TMEM209: variants seen among roughly 807,000 people sequenced by gnomAD.
TMEM209 encodes the protein testicular tissue protein Li 202.
TMEM209 carries 65 observed loss-of-function variants against 76.2 expected under a neutral mutation model. The observed-to-expected ratio is 0.85, with a 90% confidence interval of 0.70 to 1.05. The LOEUF (loss-of-function observed/expected upper bound fraction) is 1.05, where lower values mean the gene tolerates loss of function less well. Among genes scored for constraint, TMEM209 ranks in the 50% least tolerant of loss-of-function variants. The pLI is 0.00. For synonymous variants in TMEM209, 239 were observed against 237.6 expected (o/e 1.01, Z -0.06); for missense variants, 623 against 685.5 (o/e 0.91, Z 1.02).
chr7:130,202,473 CTG>C lies in TMEM209; in HGVS notation c.331+57_331+58del. 3.9e-6 allele frequency: 6 copies of C among 1,546,748 alleles called. 1 individual carries two copies. The South Asian group carries it at 6.4e-5, about 16-fold the overall frequency. ...GAGTCTACGAAATGGGAAAATTAAA[CTG>C]AGAAAGATTTATTGCCAACCTTTTC... On this transcript the variant is annotated intron_variant, in intron 4 of 14. Coordinates refer to ENST00000397622, the MANE Select transcript of TMEM209 (RefSeq NM_032842.4).
chr7:130,189,300 G>A (rs778359143), intron 6 of TMEM209, among the ~76,000 whole-genome samples: 5 of 152,182 alleles, frequency 3.3e-5, no homozygotes, highest in South Asian at 2.1e-4. Context: ...GGATTCAAGC[G>A]ATTCTCCTGC....
At position 130,184,519 on chromosome 7, in the gene TMEM209, GTCTC is replaced by G. The variant is rs1797529750; in HGVS notation, c.952-268_952-265del. 4.4e-5 allele frequency among the ~76,000 whole-genome samples: 6 copies of G among 137,724 alleles called. No homozygotes were observed. The South Asian group carries it at 1.4e-3, about 31-fold the overall frequency. 90.4% of individuals were successfully genotyped at this position (137,724 alleles called of 152,430 possible). A position where few individuals can be genotyped will look rare whatever the true frequency, so the allele number is the denominator to read the frequency against. On this transcript the variant is annotated intron_variant, in intron 7 of 14. Coordinates refer to ENST00000397622, the MANE Select transcript of TMEM209 (RefSeq NM_032842.4). ...CTTTTTTTTTTTTTTTTGAGATGGA[GTCTC>G]TCTCTGTTGTCCAGGCTGGAACACA...
Position 130,181,949 on chromosome 7 carries a change from T to C in TMEM209, c.1024-230A>G, listed in dbSNP as rs1797436588. On this transcript the variant is annotated intron_variant, in intron 8 of 14. Coordinates refer to ENST00000397622, the MANE Select transcript of TMEM209 (RefSeq NM_032842.4). ...TAAATTAACTAACTTACATTCCTTTTTTTTTTTCGAGATGGAGTTTCGCTC... is the reference window on the plus strand; with the variant it reads ...TAAATTAACTAACTTACATTCCTTTCTTTTTTTCGAGATGGAGTTTCGCTC... 3 of 357,900 alleles carry C rather than the reference T, an allele frequency of 8.4e-6. No homozygotes were observed. The East Asian group carries it at 1.7e-4, about 21-fold the overall frequency. 22.2% of individuals were successfully genotyped at this position (357,900 alleles called of 1,614,324 possible). A position where few individuals can be genotyped will look rare whatever the true frequency, so the allele number is the denominator to read the frequency against.
intron 1 of TMEM209, chr7:130,205,155 GC>G: frequency 1.4e-6 from 2 of 1,461,010 alleles, no homozygotes; most frequent in Non-Finnish European, 1.8e-6. Context: ...GCGCCACTCA[GC>G]CCCCGCGTCC....
chr7:130,205,261 C>T (rs2117046711), intron 1 of TMEM209, 112 bp downstream of exon 1: 1 of 1,610,062 alleles, frequency 6.2e-7, no homozygotes, highest in East Asian at 2.2e-5. Flanking sequence ...AGAGGCGGAA[C>T]GCCTAGCCAC....
rs755773337 is a variant in TMEM209 at position 130,178,472 on chromosome 7, C to T, written c.1176G>A (p.Pro392=). Residue 392 remains proline, a synonymous_variant, in exon 10 of 15, where the codon CCG becomes CCA. Coordinates refer to ENST00000397622, the MANE Select transcript of TMEM209 (RefSeq NM_032842.4). The part of the protein sequence containing the change: ...QAALVKAPLI[P]TLNTIVQYLD... ...GATACTGAACGATTGTGTTCAAAGTCGGAATGAGAGGCGCTTTAACCAGGG... is the reference window on the plus strand; with the variant it reads ...GATACTGAACGATTGTGTTCAAAGTTGGAATGAGAGGCGCTTTAACCAGGG... 40 of 1,613,610 alleles carry T rather than the reference C, an allele frequency of 2.5e-5. No homozygotes were observed. Among genetic ancestry groups the T allele is most frequent in the Admixed American group, 3.3e-5 (2 of 60,002 alleles).
intron 6 of TMEM209, 133 bp downstream of exon 6, chr7:130,192,489 G>A: frequency 1.3e-6 from 1 of 747,688 alleles, no homozygotes. Flanking sequence ...ATAAAATAAT[G>A]TTACATATAA....
chr7:130,199,120 C>A (rs1370508061), intron 5 of TMEM209, among the ~76,000 whole-genome samples: 1 of 152,054 alleles, frequency 6.6e-6, no homozygotes, highest in Non-Finnish European at 1.5e-5. Context: ...TTAAAATGAC[C>A]TTTTGTCTCA....
chr7:130,191,341 T>C (rs1797790110), intron 6 of TMEM209, among the ~76,000 whole-genome samples: 1 of 151,756 alleles, frequency 6.6e-6, no homozygotes, highest in African/African-American at 2.4e-5. Flanking sequence ...CAAGAAAACA[T>C]TTAATGGAAG....
chr7:130,178,121 A>G (rs1253625514), intron 10 of TMEM209, among the ~76,000 whole-genome samples: 2 of 152,184 alleles, frequency 1.3e-5, no homozygotes, highest in Non-Finnish European at 2.9e-5. Context: ...AATTATAAAA[A>G]TTAAGAGAAA....
chr7:130,199,432 G>A (rs887480443), intron 5 of TMEM209, among the ~76,000 whole-genome samples: 3 of 152,126 alleles, frequency 2.0e-5, no homozygotes, highest in African/African-American at 7.2e-5. Context: ...ATGTTAGCCA[G>A]GATGGTCTTG....
chr7:130,188,042 G>A (rs1192165120), intron 6 of TMEM209, among the ~76,000 whole-genome samples: 1 of 151,964 alleles, frequency 6.6e-6, no homozygotes, highest in African/African-American at 2.4e-5. Context: ...GATAGAAAAA[G>A]GAACTGAAAA....
intron 6 of TMEM209, among the ~76,000 whole-genome samples, chr7:130,191,003 G>A (rs1397624647): frequency 6.6e-6 from 1 of 151,882 alleles, no homozygotes; most frequent in Non-Finnish European, 1.5e-5. Context: ...AAGTTTGATG[G>A]GGACCAAATA....
chr7:130,171,130 A>C (rs1399748228), intron 13 of TMEM209, among the ~76,000 whole-genome samples: 1 of 152,178 alleles, frequency 6.6e-6, no homozygotes, highest in Non-Finnish European at 1.5e-5. Context: ...CTGGAGAGCT[A>C]TTCTGAGGTT....
rs1798395228 is a variant in TMEM209, at chr7:130,205,093, T to C, written c.3+280A>G. ...TCAACTCTTACAGACCGTGCAAAAC[T>C]TGTTCCAGCGACAAGCAGTCGTATC... On this transcript the variant is annotated intron_variant, in intron 1 of 14. Coordinates refer to ENST00000397622, the MANE Select transcript of TMEM209 (RefSeq NM_032842.4). 11 of 1,408,380 alleles carry C rather than the reference T, an allele frequency of 7.8e-6. No individual in the cohort carries two copies. In the Admixed American group the frequency reaches 2.3e-4, roughly 30 times the overall value. 87.2% of individuals were successfully genotyped at this position (1,408,380 alleles called of 1,614,324 possible). A position where few individuals can be genotyped will look rare whatever the true frequency, so the allele number is the denominator to read the frequency against.
At chr7:130,204,982 G>A in intron 1 of TMEM209, 3 of 1,121,634 alleles carry the variant, frequency 2.7e-6, no homozygotes, top group Non-Finnish European at 3.3e-6. Context: ...ATGGGGTGGT[G>A]AGCGGAGTAA....
chr7:130,202,104 A>T lies in TMEM209; in HGVS notation c.332-13T>A. On this transcript the variant is annotated splice_polypyrimidine_tract_variant and intron_variant, in intron 4 of 14. Transcript: ENST00000397622. ...GTAGTCTGTACAACTAGAAGGAAAA[A>T]AAAAGCAACATATGTGTATGTACCT... The T allele has an allele frequency of 6.2e-7, 1 of 1,602,564 alleles. No individual in the cohort carries two copies. Among genetic ancestry groups the T allele is most frequent in the Non-Finnish European group, 8.5e-7 (1 of 1,175,158 alleles).
intron 5 of TMEM209, among the ~76,000 whole-genome samples, chr7:130,198,202 A>T (rs1022642273): frequency 6.6e-6 from 1 of 152,156 alleles, no homozygotes; most frequent in Non-Finnish European, 1.5e-5. Context: ...TCATTAGCAT[A>T]GTGTTTTCAG....
intron 1 of TMEM209, 125 bp downstream of exon 1, chr7:130,205,248 T>G: frequency 1.2e-6 from 2 of 1,606,460 alleles, no homozygotes; most frequent in South Asian, 1.1e-5. Flanking sequence ...TCCCTTCCCC[T>G]AGAGAGGCGG....
Sources: allele counts gnomAD v4.1 joint callset (sites outside exome capture counted in the v4.1 genomes callset), GRCh38; gene constraint gnomAD v4.1.1; transcripts MANE v1.5; gene names NCBI Gene and HGNC (gene_info 2026-07-23, HGNC 2026-07-21).